Variants in ZFP64 observed in about 807,000 individuals in gnomAD.
ZFP64 encodes ZFP64 zinc finger protein, also known as zinc finger protein 64.
In ZFP64, 14 loss-of-function variants were observed where a neutral mutation model predicts 51.6. That is an observed-to-expected ratio of 0.27 (90% CI 0.18 to 0.42). The LOEUF is 0.42. Among genes scored for constraint, ZFP64 ranks in the 10% least tolerant of loss-of-function variants. ZFP64 has a pLI of 1.00. For synonymous variants in ZFP64, 375 were observed against 361.4 expected, an observed-to-expected ratio of 1.04 and a Z score of -0.43; for missense variants, 754 against 906.8, an observed-to-expected ratio of 0.83 and a Z score of 2.16.
At chr20:52,109,780 C>CAAAAAAAA (rs779914417) in intron 5 of ZFP64, among the ~76,000 whole-genome samples, 2 of 46,120 alleles carry the variant, frequency 4.3e-5, no homozygotes, top group African/African-American at 7.5e-5. Context: ...AATTCCACCT[C>CAAAAAAAA]AAAAAAAAAA....
At chr20:52,146,284 G>A (rs546186623), downstream of ZFP64, among the ~76,000 whole-genome samples, 5 of 152,240 alleles carry the variant, frequency 3.3e-5, no homozygotes, top group South Asian at 8.3e-4. Context: ...GCACACATAT[G>A]TTTATTGCGG....
At chr20:52,120,163 T>C (rs1255292488) in intron 5 of ZFP64, among the ~76,000 whole-genome samples, 1 of 152,198 alleles carries the variant, frequency 6.6e-6, no homozygotes, top group Non-Finnish European at 1.5e-5. Context: ...AGTGGGGTCC[T>C]TGCCAGACAC....
At chr20:52,175,882 ATTC>A in intron 2 of ZFP64, 1 of 980,048 alleles carries the variant, frequency 1.0e-6, no homozygotes, top group Non-Finnish European at 1.2e-6. Context: ...CCCCAAAATA[ATTC>A]ATTTTCTGAG....
chr20:52,164,717 C>T lies in ZFP64; in HGVS notation c.489G>A (p.Glu163=). ...FKTAYGMKDM[E]RHLKIHTGDK... The stretch of plus-strand genomic sequence containing the variant: ...TACCCGTGTGAATTTTTAAATGCCG[C>T]TCCATGTCCTTCATGCCATAAGCAG... The change falls in exon 4 of 6, where the codon GAG becomes GAA. Residue 163 remains glutamate (E), a synonymous_variant. Transcript: ENST00000216923. 2 of 1,613,824 alleles carry T rather than the reference C, an allele frequency of 1.2e-6. No homozygotes were observed. The highest frequency in any genetic ancestry group is 1.7e-6 in the Non-Finnish European group (2 of 1,179,960).
chr20:52,143,112 G>T (rs6021736), intron 5 of ZFP64, among the ~76,000 whole-genome samples: 62,888 of 141,622 alleles, frequency 0.44, 19,642 homozygotes, highest in Non-Finnish European at 0.52. Context: ...ATTGTGCCCT[G>T]AATAGACTAT....
chr20:52,175,868 C>G, intron 2 of ZFP64: 4 of 776,430 alleles, frequency 5.2e-6, no homozygotes, highest in Non-Finnish European at 4.7e-6. Flanking sequence ...GCTGCCGCCC[C>G]CGCCCCCAAA....
intron 5 of ZFP64, among the ~76,000 whole-genome samples, chr20:52,142,377 G>GAC (rs142317072): frequency 0.04 from 4,702 of 118,392 alleles, 140 homozygotes; most frequent in African/African-American, 0.092. Context: ...CACACACACA[G>GAC]ACACACACAC....
At chr20:52,171,752 AT>A (rs577702798) in intron 2 of ZFP64, among the ~76,000 whole-genome samples, 35 of 46,232 alleles carry the variant, frequency 7.6e-4, no homozygotes, top group East Asian at 3.4e-3. Context: ...GGCCTCCCCA[AT>A]TTTTTTTTTT....
intron 5 of ZFP64, among the ~76,000 whole-genome samples, chr20:52,136,414 A>T (rs1305506319): frequency 6.6e-6 from 1 of 152,144 alleles, no homozygotes; most frequent in African/African-American, 2.4e-5. Context: ...AATTAATGAC[A>T]ACTGATCAAT....
At chr20:52,161,026 C>A (rs1173885805) in intron 4 of ZFP64, among the ~76,000 whole-genome samples, 1 of 151,986 alleles carries the variant, frequency 6.6e-6, no homozygotes, top group Non-Finnish European at 1.5e-5. Flanking sequence ...GAGTGAGCAG[C>A]TGAGGGTGGC....
At chr20:52,129,709 C>A (rs1183512826) in intron 5 of ZFP64, among the ~76,000 whole-genome samples, 2 of 152,154 alleles carry the variant, frequency 1.3e-5, no homozygotes, top group Non-Finnish European at 2.9e-5. Context: ...CCCAGATGCT[C>A]CTCATGGTGC....
In ZFP64 at chr20:52,151,718, A is replaced by G; in HGVS notation, c.*428T>C. 2 of 996,578 alleles carry G rather than the reference A, an allele frequency of 2.0e-6. No individual in the cohort carries two copies. The highest frequency in any genetic ancestry group is 2.4e-6 in the Non-Finnish European group (2 of 835,812). The allele number at this position is 996,578 out of a possible 1,614,324, so 61.7% of individuals were successfully genotyped here. A position where few individuals can be genotyped will look rare whatever the true frequency, so the allele number is the denominator to read the frequency against. On this transcript the variant is annotated 3_prime_UTR_variant, in exon 6 of 6. Coordinates refer to ENST00000216923, the MANE Select transcript of ZFP64 (RefSeq NM_018197.3). Reference sequence around the variant, plus strand: ...AAGCAGTATAAAATTACAATTTATTATGGGGCCAGGGGGATTCACAACCAT... The same window carrying G: ...AAGCAGTATAAAATTACAATTTATTGTGGGGCCAGGGGGATTCACAACCAT...
chr20:52,100,990 A>C (rs1288844466), intron 5 of ZFP64, among the ~76,000 whole-genome samples: 2 of 152,182 alleles, frequency 1.3e-5, no homozygotes, highest in Non-Finnish European at 2.9e-5. Flanking sequence ...GTGGCTCTCA[A>C]CTGGGGGCCA....
At chr20:52,179,101 T>C (rs1983436635) in intron 2 of ZFP64, among the ~76,000 whole-genome samples, 1 of 152,036 alleles carries the variant, frequency 6.6e-6, no homozygotes, top group Admixed American at 6.6e-5. Flanking sequence ...TGGGGGTGGG[T>C]CTTTCCTGCA....
chr20:52,175,878 AATAATTC>A, intron 2 of ZFP64: 1 of 896,520 alleles, frequency 1.1e-6, no homozygotes, highest in Non-Finnish European at 1.3e-6. Context: ...CCGCCCCCAA[AATAATTC>A]ATTTTCTGAG....
chr20:52,155,250 T>C lies in ZFP64; in HGVS notation c.764-1822A>G, dbSNP rs79938352. Among the ~76,000 whole-genome samples the C allele has an allele frequency of 3.4e-3, 518 of 152,348 alleles. 3 individuals carry two copies. Among genetic ancestry groups the C allele is most frequent in the African/African-American group, 0.012 (498 of 41,582 alleles). ...GCAGCAATCATTATGAAGAGATTTT[T>C]GATTTCCGCTGGCGACAACTTTACA... On this transcript the variant is annotated intron_variant, in intron 5 of 5. Coordinates refer to ENST00000216923, the MANE Select transcript of ZFP64 (RefSeq NM_018197.3).
At chr20:52,183,702 A>G (rs189046759) in intron 2 of ZFP64, among the ~76,000 whole-genome samples, 2 of 152,298 alleles carry the variant, frequency 1.3e-5, no homozygotes, top group East Asian at 3.9e-4. Flanking sequence ...TTGTGAGGGG[A>G]TCAGTTTTAT....
At chr20:52,117,824 C>T (rs1048812668) in intron 5 of ZFP64, 1 of 392,816 alleles carries the variant, frequency 2.5e-6, no homozygotes, top group Non-Finnish European at 5.1e-6. Flanking sequence ...TCTCCCTCTG[C>T]TTGTTCTGTC....
intron 5 of ZFP64, among the ~76,000 whole-genome samples, chr20:52,113,210 T>C (rs1445617476): frequency 6.6e-6 from 1 of 150,614 alleles, no homozygotes; most frequent in African/African-American, 2.4e-5. Flanking sequence ...GGCGGGTGCC[T>C]GTAGTCCCAG....
Sources: allele counts gnomAD v4.1 joint callset (sites outside exome capture counted in the v4.1 genomes callset), GRCh38; gene constraint gnomAD v4.1.1; transcripts MANE v1.5; gene names NCBI Gene and HGNC (gene_info 2026-07-23, HGNC 2026-07-21).